Variants in COLQ observed in about 807,000 individuals in gnomAD.
The protein encoded by COLQ is acetylcholinesterase collagenic tail peptide.
COLQ carries 48 observed loss-of-function variants against 69.0 expected under a neutral mutation model. That is an observed-to-expected ratio of 0.70 (90% CI 0.55 to 0.88). COLQ has a LOEUF of 0.88. Among genes scored for constraint, COLQ ranks in the 40% least tolerant of loss-of-function variants. The pLI is 0.00. For missense variants in COLQ, 618 were observed against 594.6 expected, an observed-to-expected ratio of 1.04 and a Z score of -0.41; for synonymous variants, 217 against 211.2, an observed-to-expected ratio of 1.03 and a Z score of -0.24.
chr3:15,475,288 G>T (rs931227787), intron 7 of COLQ, 137 bp downstream of exon 7: 2 of 879,172 alleles, frequency 2.3e-6, no homozygotes, highest in Non-Finnish European at 1.8e-6. Flanking sequence ...CAAAGGGCTG[G>T]TAAAGGCAGG....
chr3:15,478,626 G>T (rs1575476713), intron 5 of COLQ: 2 of 400,458 alleles, frequency 5.0e-6, no homozygotes, highest in East Asian at 9.6e-5. Flanking sequence ...AACAGAGAGT[G>T]ACAGTCATTC....
chr3:15,498,754 G>A, intron 1 of COLQ: 1 of 1,527,138 alleles, frequency 6.5e-7, no homozygotes, highest in Non-Finnish European at 8.8e-7. Flanking sequence ...CAGGGGTCTG[G>A]AGCCAGTCCT....
At chr3:15,490,805 T>C (rs1315194286) in intron 1 of COLQ, among the ~76,000 whole-genome samples, 1 of 152,258 alleles carries the variant, frequency 6.6e-6, no homozygotes, top group African/African-American at 2.4e-5. Context: ...CCAACCTCTT[T>C]GGAAAATTGC....
chr3:15,452,970 C>T (rs980917484), intron 16 of COLQ, among the ~76,000 whole-genome samples: 3 of 152,210 alleles, frequency 2.0e-5, no homozygotes, highest in Admixed American at 2.0e-4. Flanking sequence ...AGGGACTGGA[C>T]TCAAGGACAG....
At chr3:15,491,003 A>G (rs1159230117) in intron 1 of COLQ, among the ~76,000 whole-genome samples, 1 of 151,950 alleles carries the variant, frequency 6.6e-6, no homozygotes, top group African/African-American at 2.4e-5. Context: ...ATTGGCCAGG[A>G]CCATATATAT....
At chr3:15,512,508 T>TTCC (rs1341894939) in intron 1 of COLQ, among the ~76,000 whole-genome samples, 1 of 152,210 alleles carries the variant, frequency 6.6e-6, no homozygotes, top group Non-Finnish European at 1.5e-5. Flanking sequence ...GGGCAACGTG[T>TTCC]TCCTTCTTTA....
chr3:15,488,336 G>A, intron 2 of COLQ, 29 bp from the exon 3 acceptor site: 1 of 1,591,648 alleles, frequency 6.3e-7, no homozygotes, highest in Non-Finnish European at 8.6e-7. Flanking sequence ...CAGAGTTAGA[G>A]GTCAGGCGTA....
rs1284487347 is a variant in COLQ at position 15,521,641 on chromosome 3, G to A, written c.-16C>T. 7.4e-6 allele frequency: 12 copies of A among 1,614,024 alleles called. No homozygotes were observed. Among genetic ancestry groups the A allele is most frequent in the Non-Finnish European group, 1.0e-5 (12 of 1,180,002 alleles). The stretch of plus-strand genomic sequence containing the variant: ...GGACAACCATGCTGGCCAGGGTCTG[G>A]CGAGGGTCAAGTTAGAAAGGAGGCT... On this transcript the variant is annotated 5_prime_UTR_variant, in exon 1 of 17. Coordinates refer to ENST00000383788, the MANE Select transcript of COLQ (RefSeq NM_005677.4).
At position 15,453,914 on chromosome 3, in the gene COLQ, AG is replaced by A. The variant is rs771866680; in HGVS notation, c.1212del (p.Cys405ValfsTer21). 1 of 1,609,570 alleles carries A rather than the reference AG, an allele frequency of 6.2e-7. No individual in the cohort carries two copies. Among genetic ancestry groups the A allele is most frequent in the Non-Finnish European group, 8.5e-7 (1 of 1,177,810 alleles). ...CCCTCATGCCGGTGACCATCTCCAC[AG>A]TAGGCACGGTGACAGCCTGAGGGGA... ...GDDCIRCHRA[Y>X]CGDGHRHEGV... is the part of the protein sequence containing the mutation. On this transcript the variant is annotated frameshift_variant, in exon 16 of 17. Transcript: ENST00000383788. LOFTEE classifies it high-confidence loss of function.
chr3:15,465,327 C>A (rs868364533), intron 12 of COLQ, among the ~76,000 whole-genome samples: 1 of 147,468 alleles, frequency 6.8e-6, no homozygotes, highest in Admixed American at 6.7e-5. Context: ...AGTGCAGTTG[C>A]GCGATCTCGA....
intron 1 of COLQ, among the ~76,000 whole-genome samples, chr3:15,520,625 G>A (rs181127352): frequency 1.2e-4 from 19 of 152,298 alleles, no homozygotes; most frequent in African/African-American, 4.1e-4. Context: ...ATTGAGGGGG[G>A]CTGTGAGGGT....
chr3:15,462,326 G>A (rs1245650076), intron 12 of COLQ, among the ~76,000 whole-genome samples: 3 of 152,196 alleles, frequency 2.0e-5, no homozygotes, highest in East Asian at 1.9e-4. Flanking sequence ...CACCGCGCCC[G>A]GCTGAATATC....
chr3:15,484,475 TG>T (rs36180283), intron 3 of COLQ, among the ~76,000 whole-genome samples: 4 of 152,210 alleles, frequency 2.6e-5, no homozygotes, highest in Non-Finnish European at 5.9e-5. Context: ...CTTGCTAGGT[TG>T]GGGAAGTACT....
intron 10 of COLQ, among the ~76,000 whole-genome samples, chr3:15,472,164 G>A (rs1164410852): frequency 1.3e-5 from 2 of 152,202 alleles, no homozygotes; most frequent in African/African-American, 4.8e-5. Flanking sequence ...AAATGGTGCA[G>A]AGGACAGAGA....
chr3:15,488,217 G>T lies in COLQ; in HGVS notation c.310C>A (p.Pro104Thr). Residue 104 changes from proline to threonine, a missense_variant, in exon 3 of 17, where the codon CCC (proline) becomes ACC (threonine). Physicochemically the swap from Pro to Thr is conservative, Grantham distance 38. Coordinates refer to ENST00000383788, the MANE Select transcript of COLQ (RefSeq NM_005677.4). Reference protein sequence around the residue: ...MQGSLGSPGPPGPQGPPGLPG... With the variant: ...MQGSLGSPGPTGPQGPPGLPG... ...TAGAGTGCACCAACCTGGGGGCCGG[G>T]AGGCCCAGGGGAGCCTAGCGAGCCT... 1 of 1,611,856 alleles carries T rather than the reference G, an allele frequency of 6.2e-7. No individual in the cohort carries two copies. The highest frequency in any genetic ancestry group is 8.5e-7 in the Non-Finnish European group (1 of 1,179,364).
In COLQ at chr3:15,489,512, C is replaced by A. The variant is rs1315082183; in HGVS notation, c.219+13G>T. On this transcript the variant is annotated intron_variant, in intron 2 of 16. Transcript: ENST00000383788. ...TGCACTTTTTTTCCTCTCATAAATCCCAAAGTACTCACCGGACTTCGGCCA... is the reference window on the plus strand; with the variant it reads ...TGCACTTTTTTTCCTCTCATAAATCACAAAGTACTCACCGGACTTCGGCCA... The A allele has an allele frequency of 6.2e-7, 1 of 1,613,696 alleles. No individual in the cohort carries two copies. The highest frequency in any genetic ancestry group is 8.5e-7 in the Non-Finnish European group (1 of 1,179,622).
chr3:15,465,192 A>G (rs1438059248), intron 12 of COLQ, among the ~76,000 whole-genome samples: 1 of 151,494 alleles, frequency 6.6e-6, no homozygotes, highest in Non-Finnish European at 1.5e-5. Flanking sequence ...CATACAAGGA[A>G]GCAGTGTATC....
chr3:15,460,234 T>C (rs1429901584), intron 12 of COLQ, among the ~76,000 whole-genome samples: 1 of 152,110 alleles, frequency 6.6e-6, no homozygotes, highest in East Asian at 1.9e-4. Context: ...TTACACAAAG[T>C]AGGGGCATGG....
In COLQ at chr3:15,516,038, C is replaced by T. The variant is rs1056264945; in HGVS notation, c.106+5482G>A. ...AAAGTCTCCCACCTCTCACACCCAC[C>T]CCTCTCTGTGTCTGAACAGGACATG... On this transcript the variant is annotated intron_variant, in intron 1 of 16. Coordinates refer to ENST00000383788, the MANE Select transcript of COLQ (RefSeq NM_005677.4). Among the ~76,000 whole-genome samples the T allele has an allele frequency of 5.1e-4, 77 of 152,258 alleles. No individual in the cohort carries two copies. In the Middle Eastern group the frequency reaches 0.01, roughly 20 times the overall value.
Sources: allele counts gnomAD v4.1 joint callset (sites outside exome capture counted in the v4.1 genomes callset), GRCh38; gene constraint gnomAD v4.1.1; transcripts MANE v1.5; gene names NCBI Gene and HGNC (gene_info 2026-07-23, HGNC 2026-07-21).